The following SQOR variants were observed in gnomAD, a reference collection of about 807,000 sequenced individuals.
SQOR encodes sulfide:quinone oxidoreductase, mitochondrial.
SQOR carries 39 observed loss-of-function variants against 48.6 expected under a neutral mutation model. The observed-to-expected ratio is 0.80, with a 90% CI of 0.62 to 1.05. The LOEUF (loss-of-function observed/expected upper bound fraction) is 1.05. SQOR is among the 50% of genes least tolerant of loss of function. The pLI, the probability that SQOR is intolerant of heterozygous loss-of-function variation, is 0.00. For synonymous variants in SQOR, 220 were observed against 206.2 expected (o/e 1.07, Z -0.57); for missense variants, 561 against 559.9 (o/e 1.00, Z -0.02).
chr15:45,653,568 ATTTCCAGCCCCATTCTC>A (rs1889537442), intron 1 of SQOR, among the ~76,000 whole-genome samples: 1 of 152,176 alleles, frequency 6.6e-6, no homozygotes, highest in Non-Finnish European at 1.5e-5. Flanking sequence ...ATAGAGCTCA[ATTTCCAGCCCCATTCTC>A]CCTCCCAAGG....
chr15:45,682,409 AG>A, intron 6 of SQOR, 68 bp from the exon 7 acceptor site: 1 of 1,538,254 alleles, frequency 6.5e-7, no homozygotes, highest in Non-Finnish European at 8.9e-7. Flanking sequence ...TAAGGAAGGT[AG>A]GGGGAGAGCT....
At chr15:45,633,118 G>A (rs1760409277), upstream of SQOR, among the ~76,000 whole-genome samples, 1 of 149,116 alleles carries the variant, frequency 6.7e-6, no homozygotes, top group South Asian at 2.1e-4. Flanking sequence ...GTGAGACCCT[G>A]TCTCAATTAA....
chr15:45,670,276 T>C (rs576663997), intron 4 of SQOR, among the ~76,000 whole-genome samples: 15 of 152,354 alleles, frequency 9.8e-5, no homozygotes, highest in African/African-American at 3.6e-4. Flanking sequence ...AAACATGTCT[T>C]TCTATGTGGG....
intron 3 of SQOR, among the ~76,000 whole-genome samples, chr15:45,662,589 C>T (rs932611603): frequency 1.3e-5 from 2 of 152,210 alleles, no homozygotes; most frequent in African/African-American, 4.8e-5. Flanking sequence ...AATCCTGTGA[C>T]TCTGAGGTTC....
At chr15:45,642,896 T>C (rs951412200) in intron 1 of SQOR, among the ~76,000 whole-genome samples, 2 of 152,206 alleles carry the variant, frequency 1.3e-5, no homozygotes, top group Non-Finnish European at 2.9e-5. Context: ...TAACACCTAA[T>C]TCAGGAGCTT....
At chr15:45,663,448 G>A (rs1263212159) in intron 3 of SQOR, among the ~76,000 whole-genome samples, 1 of 152,138 alleles carries the variant, frequency 6.6e-6, no homozygotes, top group East Asian at 1.9e-4. Flanking sequence ...ATTTTCTGTA[G>A]CTTTTCCCTG....
chr15:45,651,139 C>T (rs1595572640), intron 1 of SQOR, among the ~76,000 whole-genome samples: 1 of 152,206 alleles, frequency 6.6e-6, no homozygotes, highest in African/African-American at 2.4e-5. Context: ...CTGCAGGTCC[C>T]AAGCCCTGCC....
At chr15:45,666,326 T>C (rs1321356259) in intron 3 of SQOR, among the ~76,000 whole-genome samples, 2 of 152,208 alleles carry the variant, frequency 1.3e-5, no homozygotes, top group Non-Finnish European at 2.9e-5. Flanking sequence ...AATGCCTATC[T>C]CACTCACTAG....
chr15:45,683,410 T>A (rs1403951697), intron 7 of SQOR, among the ~76,000 whole-genome samples: 2 of 152,352 alleles, frequency 1.3e-5, no homozygotes, highest in Admixed American at 6.5e-5. Context: ...CAGTGGAGCA[T>A]GCCCTGAGTG....
In SQOR at chr15:45,689,032, A is replaced by G; in HGVS notation, c.1117-7A>G. 1 of 1,612,680 alleles carries G rather than the reference A, an allele frequency of 6.2e-7. No homozygotes were observed. The highest frequency in any genetic ancestry group is 8.5e-7 in the Non-Finnish European group (1 of 1,179,242). The stretch of plus-strand genomic sequence containing the variant: ...ACTTTCCAACTCAGTCTGATTTACA[A>G]TTTTAGTATGATGGCTACACATCAT... On this transcript the variant is annotated splice_region_variant and splice_polypyrimidine_tract_variant and intron_variant, in intron 8 of 9. Transcript: ENST00000260324.
At chr15:45,655,804 C>T (rs1309042728) in intron 1 of SQOR, among the ~76,000 whole-genome samples, 1 of 151,852 alleles carries the variant, frequency 6.6e-6, no homozygotes, top group African/African-American at 2.4e-5. Context: ...CTGCCTCAGC[C>T]TCCCCAGTAG....
intron 6 of SQOR, among the ~76,000 whole-genome samples, chr15:45,678,498 T>C (rs1028204938): frequency 7.2e-5 from 11 of 152,166 alleles, no homozygotes; most frequent in African/African-American, 2.7e-4. Flanking sequence ...TGTTTTGGAT[T>C]TGGTCAGTAG....
intron 6 of SQOR, 102 bp from the exon 7 acceptor site, chr15:45,682,376 C>T: frequency 8.1e-7 from 1 of 1,228,468 alleles, no homozygotes; most frequent in Non-Finnish European, 1.1e-6. Flanking sequence ...ATGCTCCATG[C>T]AGCCATAGCA....
At chr15:45,649,403 C>G (rs914003135) in intron 1 of SQOR, among the ~76,000 whole-genome samples, 5 of 152,226 alleles carry the variant, frequency 3.3e-5, no homozygotes, top group Admixed American at 6.5e-5. Flanking sequence ...AAGCATAATA[C>G]TATTTGATTA....
At chr15:45,676,472 ATGGT>A (rs1406746995) in intron 6 of SQOR, among the ~76,000 whole-genome samples, 162 bp downstream of exon 6, 1 of 152,130 alleles carries the variant, frequency 6.6e-6, no homozygotes, top group Non-Finnish European at 1.5e-5. Flanking sequence ...GTAGGCCAAA[ATGGT>A]TGGGGAAGAG....
At chr15:45,687,400 C>G (rs1008426006) in intron 7 of SQOR, among the ~76,000 whole-genome samples, 1 of 152,240 alleles carries the variant, frequency 6.6e-6, no homozygotes, top group Non-Finnish European at 1.5e-5. Flanking sequence ...GCATGAGCCA[C>G]CATGCCCATC....
intron 3 of SQOR, among the ~76,000 whole-genome samples, chr15:45,667,484 G>A (rs901280506): frequency 7.9e-5 from 12 of 152,096 alleles, no homozygotes; most frequent in Non-Finnish European, 1.3e-4. Context: ...ACTGTTGTGC[G>A]TAACTGCTCA....
rs919304371 is a variant in SQOR at position 45,691,200 on chromosome 15, G to T, written c.*170G>T. On this transcript the variant is annotated 3_prime_UTR_variant, in exon 10 of 10. Coordinates refer to ENST00000260324, the MANE Select transcript of SQOR (RefSeq NM_021199.4). ...AGTACCTTTGAACAGCAACCATGTG[G>T]GCTACTCATGATGGGCTTGATTCTT... 23 of 618,004 alleles carry T rather than the reference G, an allele frequency of 3.7e-5. 1 individual carries two copies. The highest frequency in any genetic ancestry group is 5.9e-5 in the Non-Finnish European group (20 of 341,252). 38.3% of individuals were successfully genotyped at this position (618,004 alleles called of 1,614,324 possible). A position where few individuals can be genotyped will look rare whatever the true frequency, so the allele number is the denominator to read the frequency against.
chr15:45,687,717 A>G (rs1890248164), intron 7 of SQOR, among the ~76,000 whole-genome samples: 7 of 151,678 alleles, frequency 4.6e-5, no homozygotes, highest in Admixed American at 4.6e-4. Flanking sequence ...CGATGTATGT[A>G]TGTATCTATC....
Sources: gnomAD v4.1 joint callset for allele counts (sites outside exome capture counted in the v4.1 genomes callset) on GRCh38, gnomAD v4.1.1 for gene constraint, MANE v1.5 for transcripts, NCBI Gene and HGNC (gene_info 2026-07-23, HGNC 2026-07-21) for gene names.